NRG1: variants seen among roughly 807,000 people sequenced by gnomAD.
The protein encoded by NRG1 is pro-neuregulin-1, membrane-bound isoform.
A neutral mutation model predicts 63.8 loss-of-function variants in NRG1; 18 were observed. The ratio of observed to expected loss-of-function variants is 0.28; its 90% confidence interval spans 0.19 to 0.42. The LOEUF is 0.42. Ranked by LOEUF, NRG1 falls within the 10% of genes least tolerant of loss-of-function variation. The probability of loss-of-function intolerance (pLI) is 1.00; values close to 1 mark genes in which losing one functional copy is unlikely to be tolerated. For missense variants in NRG1, 762 were observed against 814.7 expected (o/e 0.94, Z 0.79); for synonymous variants, 302 against 301.3 (o/e 1.00, Z -0.02).
At chr8:31,858,787 G>A (rs2129610139) in intron 1 of NRG1, among the ~76,000 whole-genome samples, 1 of 152,280 alleles carries the variant, frequency 6.6e-6, no homozygotes, top group African/African-American at 2.4e-5. Flanking sequence ...CAATTCTCCA[G>A]GACAACGCCC....
At chr8:31,819,926 T>C (rs575293123) in intron 1 of NRG1, among the ~76,000 whole-genome samples, 15 of 152,366 alleles carry the variant, frequency 9.8e-5, no homozygotes, top group African/African-American at 3.4e-4. Flanking sequence ...ATTCAAATTC[T>C]TCATCTTTAC....
chr8:31,830,593 T>G (rs1825048259), intron 1 of NRG1, among the ~76,000 whole-genome samples: 1 of 152,124 alleles, frequency 6.6e-6, no homozygotes, highest in South Asian at 2.1e-4. Context: ...GTGATCAAGA[T>G]CTGCCTTCTC....
intron 5 of NRG1, among the ~76,000 whole-genome samples, chr8:32,707,811 T>C (rs1402119838): frequency 4.6e-5 from 7 of 152,024 alleles, no homozygotes; most frequent in Non-Finnish European, 8.8e-5. Context: ...TATTAAATAA[T>C]GCTAGTCCAA....
chr8:32,218,831 G>A (rs2200046), intron 1 of NRG1, among the ~76,000 whole-genome samples: 121,769 of 152,106 alleles, frequency 0.8, 49,480 homozygotes, highest in African/African-American at 0.92. Context: ...TACTGAGTTA[G>A]TAACCATCCT....
chr8:31,800,458 C>T (rs1821653442), intron 1 of NRG1, among the ~76,000 whole-genome samples: 1 of 152,148 alleles, frequency 6.6e-6, no homozygotes. Context: ...CTTATAGTGA[C>T]CAAATGTTTC....
At chr8:32,078,125 C>G (rs1826888417) in intron 1 of NRG1, among the ~76,000 whole-genome samples, 2 of 152,190 alleles carry the variant, frequency 1.3e-5, no homozygotes, top group South Asian at 4.1e-4. Context: ...TTTGTCCCCT[C>G]CAAATCTCAT....
intron 1 of NRG1, among the ~76,000 whole-genome samples, chr8:32,392,938 G>C (rs1253968713): frequency 6.6e-6 from 1 of 152,102 alleles, no homozygotes; most frequent in Non-Finnish European, 1.5e-5. Context: ...TAGAGTAACT[G>C]CTCCCATTAT....
chr8:32,374,904 G>A (rs1809420368), intron 1 of NRG1, among the ~76,000 whole-genome samples: 1 of 152,162 alleles, frequency 6.6e-6, no homozygotes, highest in South Asian at 2.1e-4. Context: ...GAGTGAGGAT[G>A]GAACCTAGGG....
In NRG1 at chr8:31,980,349, C is replaced by T. The variant is rs1158432792; in HGVS notation, c.37+340918C>T. ...TTGAATTTATGTTGCCATGTACAGTCCCTGTAATTTTATTTCCTCTTTCTA... is the reference window on the plus strand; with the variant it reads ...TTGAATTTATGTTGCCATGTACAGTTCCTGTAATTTTATTTCCTCTTTCTA... On this transcript the variant is annotated intron_variant, in intron 1 of 10. Transcript: ENST00000519301. Among the ~76,000 whole-genome samples, 5 of 152,068 alleles carry T rather than the reference C, an allele frequency of 3.3e-5. No homozygotes were observed. In the East Asian group the frequency reaches 7.7e-4, roughly 24 times the overall value.
In NRG1 at chr8:32,621,201, A is replaced by C. The variant is rs1771767361; in HGVS notation, c.502+4316A>C. On this transcript the variant is annotated intron_variant, in intron 5 of 11. Coordinates refer to ENST00000356819, the Ensembl canonical transcript of NRG1. ...GTTCATTCACTAGTTTAGAGTTGTT[A>C]ATTATATTTTTAAGTTCTTTATACT... Among the ~76,000 whole-genome samples the C allele has an allele frequency of 2.6e-5, 4 of 152,184 alleles. No homozygotes were observed. In the South Asian group the frequency reaches 6.2e-4, roughly 24 times the overall value.
intron 1 of NRG1, among the ~76,000 whole-genome samples, chr8:32,451,899 C>G (rs1012222685): frequency 6.6e-6 from 1 of 152,104 alleles, no homozygotes; most frequent in African/African-American, 2.4e-5. Context: ...GATGTTGGCT[C>G]ACTGCAGCCT....
intron 1 of NRG1, among the ~76,000 whole-genome samples, chr8:31,675,873 T>A (rs1263806278): frequency 6.6e-6 from 1 of 152,164 alleles, no homozygotes; most frequent in Non-Finnish European, 1.5e-5. Flanking sequence ...TATTTCCAAA[T>A]ATAGGACTTC....
chr8:32,289,718 C>G (rs1043466733), intron 1 of NRG1, among the ~76,000 whole-genome samples: 2 of 152,050 alleles, frequency 1.3e-5, no homozygotes, highest in African/African-American at 4.8e-5. Context: ...TCTAACTTAA[C>G]AAATGAGATA....
chr8:32,255,481 G>A (rs1586426467), intron 1 of NRG1, among the ~76,000 whole-genome samples: 1 of 152,140 alleles, frequency 6.6e-6, no homozygotes, highest in South Asian at 2.1e-4. Context: ...GTAATTCTGG[G>A]TTGAAAATTC....
rs545021932 is a variant in NRG1 at position 32,636,214 on chromosome 8, A to G, written c.502+19329A>G. On this transcript the variant is annotated intron_variant, in intron 5 of 11. Coordinates refer to ENST00000356819, the Ensembl canonical transcript of NRG1. ...TTTCTTACTGGATGTGTTCGGGCGC[A>G]GGGGGTGGGGGCAAAAAGAAGCATA... Among the ~76,000 whole-genome samples, 1,130 of 151,818 alleles carry G rather than the reference A, an allele frequency of 7.4e-3. 4 individuals carry two copies. The highest frequency in any genetic ancestry group is 0.021 in the Middle Eastern group (6 of 290).
chr8:32,605,765 T>C (rs1845154888), intron 3 of NRG1, 82 bp downstream of exon 3: 1 of 1,466,740 alleles, frequency 6.8e-7, no homozygotes, highest in Non-Finnish European at 9.3e-7. Context: ...AATAGACTGG[T>C]GTGTTAAATC....
At chr8:32,448,759 C>A (rs1400364705) in intron 1 of NRG1, among the ~76,000 whole-genome samples, 1 of 152,188 alleles carries the variant, frequency 6.6e-6, no homozygotes, top group Non-Finnish European at 1.5e-5. Flanking sequence ...CCCCAGGGGT[C>A]CCCCCTGCCA....
chr8:31,990,968 A>C (rs1403599163), intron 1 of NRG1, among the ~76,000 whole-genome samples: 2 of 152,062 alleles, frequency 1.3e-5, no homozygotes, highest in African/African-American at 2.4e-5. Flanking sequence ...AGAAGTGAAA[A>C]TTCTGGTTAA....
intron 1 of NRG1, among the ~76,000 whole-genome samples, chr8:31,979,592 T>C (rs1010189689): frequency 1.3e-5 from 2 of 152,070 alleles, no homozygotes; most frequent in African/African-American, 2.4e-5. Context: ...TTTGATATCA[T>C]TTACTGTGTT....
Sources: allele counts gnomAD v4.1 joint callset (sites outside exome capture counted in the v4.1 genomes callset), GRCh38; gene constraint gnomAD v4.1.1; transcripts MANE v1.5; gene names NCBI Gene and HGNC (gene_info 2026-07-23, HGNC 2026-07-21).